The following PIK3C3 variants were observed in gnomAD, a reference collection of about 807,000 sequenced individuals.
PIK3C3 encodes the protein phosphatidylinositol 3-kinase catalytic subunit type 3, also known as PI3-kinase type 3.
In PIK3C3, 95 loss-of-function variants were observed where a neutral mutation model predicts 126.1. The ratio of observed to expected loss-of-function variants is 0.75; its 90% CI spans 0.64 to 0.89. PIK3C3 has a LOEUF of 0.89. PIK3C3 is among the 40% of genes least tolerant of loss of function. PIK3C3 has a pLI of 0.00. For synonymous variants in PIK3C3, 374 were observed against 360.0 expected (o/e 1.04, Z -0.44); for missense variants, 829 against 1,063.2 (o/e 0.78, Z 3.06).
At chr18:41,970,503 A>G (rs772491032) in intron 4 of PIK3C3, 47 bp downstream of exon 4, 30 of 1,535,534 alleles carry the variant, frequency 2.0e-5, no homozygotes, top group South Asian at 1.1e-4. Flanking sequence ...ACTGATGTCT[A>G]TTGTAGTATA....
chr18:41,982,167 A>T (rs943650860), intron 4 of PIK3C3, among the ~76,000 whole-genome samples: 2 of 152,186 alleles, frequency 1.3e-5, no homozygotes, highest in African/African-American at 4.8e-5. Flanking sequence ...GAGAGGCATT[A>T]GAGTCAAAAG....
At chr18:42,001,224 A>G (rs1190791472) in intron 9 of PIK3C3, among the ~76,000 whole-genome samples, 3 of 152,204 alleles carry the variant, frequency 2.0e-5, no homozygotes, top group Admixed American at 6.5e-5. Flanking sequence ...ATAATAACTG[A>G]TAATAAACTA....
intron 4 of PIK3C3, among the ~76,000 whole-genome samples, chr18:41,981,903 C>CA: frequency 1.3e-5 from 2 of 151,580 alleles, no homozygotes; most frequent in Non-Finnish European, 2.9e-5. Flanking sequence ...AAAATCTCTT[C>CA]AGCCTGGGAG....
At chr18:41,985,504 A>G (rs1981426403) in intron 4 of PIK3C3, among the ~76,000 whole-genome samples, 4 of 152,140 alleles carry the variant, frequency 2.6e-5, no homozygotes, top group African/African-American at 7.2e-5. Context: ...GCACTCAACA[A>G]TATCTTTCCT....
intron 18 of PIK3C3, among the ~76,000 whole-genome samples, 194 bp from the exon 19 acceptor site, chr18:42,040,483 A>T (rs993817942): frequency 5.5e-5 from 8 of 146,110 alleles, no homozygotes; most frequent in South Asian, 2.1e-4. Flanking sequence ...AGCTTAATTT[A>T]AAAAAAAAAA....
chr18:42,045,662 T>C (rs1984528341), intron 20 of PIK3C3, among the ~76,000 whole-genome samples: 1 of 152,204 alleles, frequency 6.6e-6, no homozygotes, highest in Non-Finnish European at 1.5e-5. Flanking sequence ...TATTTTGTTA[T>C]ATTCTGTTGT....
chr18:41,984,053 A>T (rs2512004), intron 4 of PIK3C3, among the ~76,000 whole-genome samples: 1 of 147,344 alleles, frequency 6.8e-6, no homozygotes, highest in Non-Finnish European at 1.5e-5. Flanking sequence ...GAGAGAATGA[A>T]TTTTTTTTTT....
In PIK3C3 at chr18:42,082,152, A is replaced by G. The variant is rs978154441; in HGVS notation, c.*1015A>G. The G allele has an allele frequency of 1.3e-5, 2 of 152,214 alleles. No homozygotes were observed. The highest frequency in any genetic ancestry group is 4.8e-5 in the African/African-American group (2 of 41,458). The allele number at this position is 152,214 out of a possible 1,614,324, so 9.4% of individuals were successfully genotyped here. The stretch of plus-strand genomic sequence containing the variant: ...CAAATATACAAATGATATGAACAAT[A>G]TGGTAATAATCTTTTGCAACTTAAT... On this transcript the variant is annotated 3_prime_UTR_variant, in exon 25 of 25. Transcript: ENST00000262039.
intron 21 of PIK3C3, chr18:42,049,830 G>A (rs768113643): frequency 4.7e-5 from 17 of 358,312 alleles, no homozygotes; most frequent in South Asian, 2.0e-4. Flanking sequence ...AAAATTTGCC[G>A]GGCGTGGTGG....
Position 42,033,822 on chromosome 18 carries a change from C to A in PIK3C3, c.1708-4C>A. ...CCTCATTAATCCTTTCTGATTTGTT[C>A]TAGAATGAGAGACTACAGGCATTGC... On this transcript the variant is annotated splice_polypyrimidine_tract_variant and splice_region_variant and intron_variant, in intron 15 of 24. Transcript: ENST00000262039. 6.3e-7 allele frequency: 1 copy of A among 1,591,290 alleles called. No individual in the cohort carries two copies. Among genetic ancestry groups the A allele is most frequent in the South Asian group, 1.1e-5 (1 of 88,000 alleles).
intron 22 of PIK3C3, among the ~76,000 whole-genome samples, chr18:42,058,307 G>A (rs1171850379): frequency 2.0e-5 from 3 of 152,136 alleles, no homozygotes; most frequent in Non-Finnish European, 4.4e-5. Flanking sequence ...CATCACATAA[G>A]ATGAAGCAAA....
chr18:42,006,095 C>T (rs1264061890), intron 10 of PIK3C3, among the ~76,000 whole-genome samples: 1 of 151,170 alleles, frequency 6.6e-6, no homozygotes, highest in Non-Finnish European at 1.5e-5. Context: ...CTAAAGGATA[C>T]AGAAGAACAG....
intron 7 of PIK3C3, 38 bp from the exon 8 acceptor site, chr18:41,995,852 T>A: frequency 7.1e-7 from 1 of 1,400,714 alleles, no homozygotes; most frequent in Non-Finnish European, 1.0e-6. Flanking sequence ...TTCCTTTTGG[T>A]GAAGTTTACA....
intron 22 of PIK3C3, among the ~76,000 whole-genome samples, chr18:42,062,904 T>C (rs1301613795): frequency 6.6e-6 from 1 of 152,174 alleles, no homozygotes; most frequent in African/African-American, 2.4e-5. Flanking sequence ...CTCTATCCTC[T>C]CACCCTGACC....
At chr18:42,043,515 TG>T (rs1430002444) in intron 19 of PIK3C3, among the ~76,000 whole-genome samples, 2 of 152,156 alleles carry the variant, frequency 1.3e-5, no homozygotes, top group African/African-American at 2.4e-5. Flanking sequence ...ATTGGAAATC[TG>T]GGGTGGGTGG....
At chr18:42,013,118 T>C (rs897453450) in intron 10 of PIK3C3, among the ~76,000 whole-genome samples, 1 of 150,288 alleles carries the variant, frequency 6.7e-6, no homozygotes, top group African/African-American at 2.4e-5. Flanking sequence ...TCCCACTTTT[T>C]TTTTTTTTTT....
At chr18:42,043,933 G>A in intron 20 of PIK3C3, 116 bp downstream of exon 20, 1 of 638,680 alleles carries the variant, frequency 1.6e-6, no homozygotes, top group South Asian at 2.1e-5. Flanking sequence ...TCTATAGGAA[G>A]AGTAAAAGAT....
intron 4 of PIK3C3, among the ~76,000 whole-genome samples, chr18:41,987,261 A>G (rs1473386304): frequency 6.6e-6 from 1 of 152,114 alleles, no homozygotes; most frequent in African/African-American, 2.4e-5. Context: ...ATTGGTATGT[A>G]AGACCTCACA....
chr18:42,011,344 A>G (rs1982817644), intron 10 of PIK3C3, among the ~76,000 whole-genome samples: 1 of 152,202 alleles, frequency 6.6e-6, no homozygotes, highest in South Asian at 2.1e-4. Context: ...CTGCATCAAT[A>G]ACTTGTTGCA....
Sources: gnomAD v4.1 joint callset for allele counts (sites outside exome capture counted in the v4.1 genomes callset) on GRCh38, gnomAD v4.1.1 for gene constraint, MANE v1.5 for transcripts, NCBI Gene and HGNC (gene_info 2026-07-23, HGNC 2026-07-21) for gene names.